Variants in GAB1 observed in about 807,000 individuals in gnomAD.
GAB1 encodes GRB2-associated-binding protein 1.
Under a neutral mutation model 66.5 loss-of-function variants are expected in GAB1, and 19 were observed. That is an observed-to-expected ratio of 0.29 (90% CI 0.20 to 0.42). GAB1 has a LOEUF of 0.42. Among genes scored for constraint, GAB1 ranks in the 10% least tolerant of loss-of-function variants. The pLI is 1.00. For missense variants in GAB1, 732 were observed against 858.5 expected (o/e 0.85, Z 1.84); for synonymous variants, 294 against 301.4 (o/e 0.98, Z 0.25).
At chr4:143,461,063 A>T (rs899493156) in intron 8 of GAB1, among the ~76,000 whole-genome samples, 2 of 152,204 alleles carry the variant, frequency 1.3e-5, no homozygotes, top group Non-Finnish European at 2.9e-5. Flanking sequence ...ATAAAGCATG[A>T]GAATTTTCTA....
chr4:143,356,322 T>C (rs1729446198), intron 1 of GAB1, among the ~76,000 whole-genome samples: 1 of 152,212 alleles, frequency 6.6e-6, no homozygotes, highest in African/African-American at 2.4e-5. Flanking sequence ...CTATGCAATG[T>C]GTAAATGCTA....
At chr4:143,450,398 G>T (rs561287952) in intron 6 of GAB1, among the ~76,000 whole-genome samples, 59 of 152,264 alleles carry the variant, frequency 3.9e-4, no homozygotes, top group Admixed American at 8.5e-4. Flanking sequence ...TTTAGGCTTT[G>T]TAAAGCCTGT....
chr4:143,459,319 A>G (rs1735363451), intron 6 of GAB1, 66 bp from the exon 7 acceptor site: 1 of 908,198 alleles, frequency 1.1e-6, no homozygotes, highest in South Asian at 1.3e-5. Flanking sequence ...AGTTACAGAG[A>G]GAGAATCTTG....
chr4:143,453,251 G>T (rs1455643390), intron 6 of GAB1, among the ~76,000 whole-genome samples: 1 of 152,006 alleles, frequency 6.6e-6, no homozygotes, highest in East Asian at 1.9e-4. Context: ...TTTGCACAGA[G>T]TAGAAAATAC....
chr4:143,447,099 A>G (rs1328131685), intron 6 of GAB1, among the ~76,000 whole-genome samples: 1 of 151,998 alleles, frequency 6.6e-6, no homozygotes, highest in African/African-American at 2.4e-5. Flanking sequence ...AAGATCAGAT[A>G]GTTGTAGATA....
At chr4:143,337,545 T>C (rs756590742) in intron 1 of GAB1, among the ~76,000 whole-genome samples, 8 of 152,218 alleles carry the variant, frequency 5.3e-5, no homozygotes. Flanking sequence ...GCTAAACTCC[T>C]GCTGCATGCT....
rs1028442975 is a variant in GAB1 at position 143,470,694 on chromosome 4, G to C, written c.*1505G>C. The C allele has an allele frequency of 6.6e-6, 1 of 152,242 alleles. No individual in the cohort carries two copies. The highest frequency in any genetic ancestry group is 1.5e-5 in the Non-Finnish European group (1 of 68,044). 9.4% of individuals were successfully genotyped at this position (152,242 alleles called of 1,614,324 possible). On this transcript the variant is annotated 3_prime_UTR_variant, in exon 10 of 10. Coordinates refer to ENST00000262994, the MANE Select transcript of GAB1 (RefSeq NM_002039.4). ...TATAACAATTTTTGGAGGGGGCATA[G>C]AGAAAGGAGTGCCCACAGTTGAGGC...
chr4:143,346,136 C>G (rs1159238266), intron 1 of GAB1, among the ~76,000 whole-genome samples: 2 of 152,144 alleles, frequency 1.3e-5, no homozygotes, highest in African/African-American at 4.8e-5. Context: ...TGATATAAGC[C>G]TAGACATCAA....
chr4:143,373,701 C>T (rs143065511), intron 1 of GAB1, among the ~76,000 whole-genome samples: 5 of 151,480 alleles, frequency 3.3e-5, no homozygotes, highest in East Asian at 1.9e-4. Flanking sequence ...TGGTGGCATG[C>T]GCCTGTAGTC....
intron 1 of GAB1, among the ~76,000 whole-genome samples, chr4:143,413,824 CTTTTT>C (rs35422180): frequency 5.9e-5 from 4 of 67,832 alleles, no homozygotes; most frequent in African/African-American, 9.4e-5. Context: ...CCCCGCTGCC[CTTTTT>C]TTTTTTTTTT....
At chr4:143,416,495 G>A (rs1387050113) in intron 2 of GAB1, among the ~76,000 whole-genome samples, 4 of 152,178 alleles carry the variant, frequency 2.6e-5, no homozygotes, top group Non-Finnish European at 2.9e-5. Flanking sequence ...TTATGGCCGG[G>A]CACAGTGGCT....
chr4:143,367,478 G>T (rs1729931390), intron 1 of GAB1, among the ~76,000 whole-genome samples: 1 of 151,924 alleles, frequency 6.6e-6, no homozygotes, highest in South Asian at 2.1e-4. Context: ...CCTCTTTGCA[G>T]GAAAGCCCCA....
chr4:143,350,836 A>G (rs1425357103), intron 1 of GAB1, among the ~76,000 whole-genome samples: 1 of 152,220 alleles, frequency 6.6e-6, no homozygotes, highest in Non-Finnish European at 1.5e-5. Flanking sequence ...TTTGACTACT[A>G]CGCACATTTC....
chr4:143,460,285 G>T lies in GAB1; in HGVS notation c.1680-79G>T, dbSNP rs188987429. On this transcript the variant is annotated intron_variant, in intron 7 of 9. Coordinates refer to ENST00000262994, the MANE Select transcript of GAB1 (RefSeq NM_002039.4). The stretch of plus-strand genomic sequence containing the variant: ...GAATATTTCTGAAAGAATGCAGACT[G>T]TCTCTCATTTTTATTTGGGGAATAA... 4,159 of 1,325,198 alleles carry T rather than the reference G, an allele frequency of 3.1e-3. 14 individuals carry two copies. Among genetic ancestry groups the T allele is most frequent in the Non-Finnish European group, 4.1e-3 (3,804 of 922,230 alleles). The allele number at this position is 1,325,198 out of a possible 1,614,324, so 82.1% of individuals were successfully genotyped here.
chr4:143,457,728 C>CT (rs767421381), intron 6 of GAB1: 16 of 1,577,512 alleles, frequency 1.0e-5, no homozygotes, highest in Non-Finnish European at 1.4e-5. Context: ...TTAGAGCGAA[C>CT]TGATTCACAA....
chr4:143,417,663 C>A, intron 2 of GAB1: 1 of 167,772 alleles, frequency 6.0e-6, no homozygotes, highest in Non-Finnish European at 1.3e-5. Flanking sequence ...CTGCCTCAGT[C>A]TCCCAAAGTG....
intron 1 of GAB1, among the ~76,000 whole-genome samples, chr4:143,387,151 G>C (rs527282982): frequency 6.6e-6 from 1 of 151,418 alleles, no homozygotes; most frequent in African/African-American, 2.4e-5. Flanking sequence ...GTTTGTTTGA[G>C]ACAGAGTTTC....
At chr4:143,468,987 A>G in intron 9 of GAB1, 44 bp from the exon 10 acceptor site, 2 of 1,597,984 alleles carry the variant, frequency 1.3e-6, no homozygotes, top group Non-Finnish European at 1.7e-6. Flanking sequence ...ACTCAGGAAC[A>G]CTCCTTTATA....
intron 1 of GAB1, among the ~76,000 whole-genome samples, chr4:143,370,234 C>G (rs1487139100): frequency 1.3e-5 from 2 of 152,198 alleles, no homozygotes; most frequent in African/African-American, 4.8e-5. Flanking sequence ...GAAATGTTAT[C>G]AAACCACTGG....
Sources: allele counts gnomAD v4.1 joint callset (sites outside exome capture counted in the v4.1 genomes callset), GRCh38; gene constraint gnomAD v4.1.1; transcripts MANE v1.5; gene names NCBI Gene and HGNC (gene_info 2026-07-23, HGNC 2026-07-21).